Variants in CXADR observed in about 807,000 individuals in gnomAD.
CXADR encodes coxsackievirus and adenovirus receptor.
In CXADR, 20 loss-of-function variants were observed where a neutral mutation model predicts 40.3. The ratio of observed to expected loss-of-function variants is 0.50; its 90% CI spans 0.35 to 0.72. The LOEUF (loss-of-function observed/expected upper bound fraction) is 0.72. CXADR is among the 30% of genes least tolerant of loss of function. The probability of loss-of-function intolerance (pLI) is 0.01; values close to 1 mark genes in which losing one functional copy is unlikely to be tolerated. For synonymous variants in CXADR, 150 were observed against 161.3 expected (o/e 0.93, Z 0.53); for missense variants, 332 against 449.1 (o/e 0.74, Z 2.36).
downstream of CXADR, among the ~76,000 whole-genome samples, chr21:17,572,396 T>C (rs528803182): frequency 1.7e-4 from 25 of 150,842 alleles, no homozygotes; most frequent in Non-Finnish European, 3.1e-4. Context: ...GGCAGTATCA[T>C]GAGAAAAAGG....
At position 17,568,556 on chromosome 21, in the gene CXADR, A is replaced by AAT; in HGVS notation, c.*2864_*2865insAT. The AAT allele has an allele frequency of 1.1e-6, 1 of 900,972 alleles. No homozygotes were observed. Among genetic ancestry groups the AAT allele is most frequent in the South Asian group, 5.5e-5 (1 of 18,064 alleles). The allele number at this position is 900,972 out of a possible 1,614,324, so 55.8% of individuals were successfully genotyped here. A position where few individuals can be genotyped will look rare whatever the true frequency, so the allele number is the denominator to read the frequency against. ...GTTACTGTAGAATATATAGTTCTGT[A>AAT]CTTTTTTTTTTTTTTTTTAAGAGAT... is the stretch of plus-strand genomic sequence containing the variant. On this transcript the variant is annotated 3_prime_UTR_variant, in exon 7 of 7. Transcript: ENST00000284878.
At chr21:17,634,724 C>T in the CXADR span, among the ~76,000 whole-genome samples, 1 of 152,148 alleles carries the variant, frequency 6.6e-6, no homozygotes. Context: ...TAAATGTCTT[C>T]TTTTTCAAAC....
chr21:17,576,720 G>A (rs1203522985), intron 7 of CXADR: 1 of 152,098 alleles, frequency 6.6e-6, no homozygotes, highest in African/African-American at 2.4e-5. Context: ...TAGTCCCTTG[G>A]TGTTATGTAC....
At chr21:17,630,325 G>A in the CXADR span, among the ~76,000 whole-genome samples, 1 of 152,134 alleles carries the variant, frequency 6.6e-6, no homozygotes, top group Non-Finnish European at 1.5e-5. Flanking sequence ...TGTCACACTT[G>A]CGTAATTGCT....
the CXADR span, among the ~76,000 whole-genome samples, chr21:17,630,422 AT>A: frequency 1.3e-5 from 2 of 152,290 alleles, no homozygotes; most frequent in Admixed American, 1.3e-4. Flanking sequence ...TCCCTAAAAA[AT>A]ATGGTCTTTT....
intron 7 of CXADR, among the ~76,000 whole-genome samples, chr21:17,591,895 A>G (rs762891331): frequency 1.3e-5 from 2 of 152,004 alleles, no homozygotes; most frequent in Non-Finnish European, 2.9e-5. Context: ...CTAGAACTTA[A>G]GACCCAGTTG....
chr21:17,607,137 G>A, the CXADR span, among the ~76,000 whole-genome samples: 2 of 152,136 alleles, frequency 1.3e-5, no homozygotes, highest in African/African-American at 4.8e-5. Context: ...AAATGACTCA[G>A]TAATGATACT....
At chr21:17,534,866 C>T (rs932087995) in intron 1 of CXADR, among the ~76,000 whole-genome samples, 2 of 148,134 alleles carry the variant, frequency 1.4e-5, no homozygotes, top group African/African-American at 2.5e-5. Flanking sequence ...CTCACTGCAG[C>T]CCCTGCCTCC....
At chr21:17,540,188 C>G (rs1237515027) in intron 1 of CXADR, among the ~76,000 whole-genome samples, 3 of 152,046 alleles carry the variant, frequency 2.0e-5, no homozygotes, top group Non-Finnish European at 4.4e-5. Context: ...GTTCTGGGCT[C>G]TATGCTATGG....
At chr21:17,610,485 G>A in the CXADR span, among the ~76,000 whole-genome samples, 12 of 152,124 alleles carry the variant, frequency 7.9e-5, no homozygotes, top group African/African-American at 2.4e-4. Flanking sequence ...CAGGTCACCC[G>A]CAGAAAAACA....
At chr21:17,525,384 A>G (rs2060586482) in intron 1 of CXADR, among the ~76,000 whole-genome samples, 1 of 152,190 alleles carries the variant, frequency 6.6e-6, no homozygotes, top group Non-Finnish European at 1.5e-5. Flanking sequence ...AGTTTTAGAC[A>G]TTTTCAGAGG....
At chr21:17,578,518 A>G (rs1253661659) in intron 7 of CXADR, among the ~76,000 whole-genome samples, 3 of 152,242 alleles carry the variant, frequency 2.0e-5, no homozygotes, top group African/African-American at 7.2e-5. Context: ...TTGGGTCAAC[A>G]CTTAGAACAG....
chr21:17,594,386 G>C, downstream of CXADR: 3 of 1,546,942 alleles, frequency 1.9e-6, no homozygotes, highest in South Asian at 2.4e-5. Flanking sequence ...CATCATCTAT[G>C]TTCCAGATTT....
chr21:17,549,136 T>C (rs1601000314), intron 2 of CXADR, among the ~76,000 whole-genome samples: 1 of 152,228 alleles, frequency 6.6e-6, no homozygotes, highest in Non-Finnish European at 1.5e-5. Flanking sequence ...TTGTATACTT[T>C]AATTGTATAT....
chr21:17,614,076 C>T, the CXADR span: 1 of 141,756 alleles, frequency 7.1e-6, no homozygotes, highest in Non-Finnish European at 1.5e-5. Context: ...ATACCATCCC[C>T]CAAACAGTAC....
intron 1 of CXADR, among the ~76,000 whole-genome samples, chr21:17,533,080 T>A (rs2824337): frequency 0.21 from 31,895 of 152,076 alleles, 3,417 homozygotes; most frequent in East Asian, 0.23. Flanking sequence ...GTTGGTTGAT[T>A]GATCAATGGG....
At chr21:17,538,916 T>C (rs1237236369) in intron 1 of CXADR, among the ~76,000 whole-genome samples, 1 of 152,198 alleles carries the variant, frequency 6.6e-6, no homozygotes, top group Non-Finnish European at 1.5e-5. Flanking sequence ...GGAAGCCAGT[T>C]AGCAGGCTAC....
chr21:17,627,057 A>G, the CXADR span: 1 of 152,224 alleles, frequency 6.6e-6, no homozygotes, highest in Non-Finnish European at 1.5e-5. Flanking sequence ...GGGGTAAGGC[A>G]TTTTAAGAAC....
intron 7 of CXADR, among the ~76,000 whole-genome samples, chr21:17,577,688 GA>G (rs1324851902): frequency 2.4e-5 from 3 of 123,946 alleles, no homozygotes; most frequent in African/African-American, 6.0e-5. Context: ...CCTTGGTAAG[GA>G]AAAAAAGTGA....
Sources: gnomAD v4.1 joint callset for allele counts (sites outside exome capture counted in the v4.1 genomes callset) on GRCh38, gnomAD v4.1.1 for gene constraint, MANE v1.5 for transcripts, NCBI Gene and HGNC (gene_info 2026-07-23, HGNC 2026-07-21) for gene names.